The following DNPH1 variants were observed in gnomAD, a reference collection of about 807,000 sequenced individuals.
The protein encoded by DNPH1 is 5-hydroxymethyl-dUMP N-hydrolase.
A neutral mutation model predicts 15.7 loss-of-function variants in DNPH1; 18 were observed. The ratio of observed to expected loss-of-function variants is 1.15; its 90% confidence interval spans 0.79 to 1.70. DNPH1 has a LOEUF of 1.70. DNPH1 is among the 40% of genes most tolerant of loss of function. The pLI is 0.00. For synonymous variants in DNPH1, 114 were observed against 107.9 expected (o/e 1.06, Z -0.35); for missense variants, 262 against 255.2 (o/e 1.03, Z -0.18).
chr6:43,228,992 T>A (rs1776782618), intron 1 of DNPH1: 1 of 354,002 alleles, frequency 2.8e-6, no homozygotes. Context: ...TGAAAGCAGC[T>A]GAAGACAGAG....
In DNPH1 at chr6:43,229,411, C is replaced by G. The variant is rs762528187; in HGVS notation, c.46G>C (p.Gly16Arg). 7.0e-6 allele frequency: 10 copies of G among 1,425,136 alleles called. No homozygotes were observed. The highest frequency in any genetic ancestry group is 5.9e-5 in the African/African-American group (4 of 67,754). 88.3% of individuals were successfully genotyped at this position (1,425,136 alleles called of 1,614,324 possible). A position where few individuals can be genotyped will look rare whatever the true frequency, so the allele number is the denominator to read the frequency against. Reference protein sequence around the residue: ...VPGRSESWERGEPGRPALYFC... With the variant: ...VPGRSESWERREPGRPALYFC... ...TACAGGGCCGGGCGGCCAGGCTCCC[C>G]GCGCTCCCAGCTCTCGCTGCGCCCC... is the stretch of plus-strand genomic sequence containing the variant. The change falls in exon 1 of 4, where the codon GGG becomes CGG. Residue 16 changes from glycine to arginine, a missense_variant. By Grantham distance (125) the Gly-to-Arg change is moderately radical (BLOSUM62 -2). Transcript: ENST00000230431.
chr6:43,229,235 C>A, intron 1 of DNPH1, 26 bp downstream of exon 1: 1 of 1,314,202 alleles, frequency 7.6e-7, no homozygotes, highest in Non-Finnish European at 9.6e-7. Flanking sequence ...CCCGCGTCCC[C>A]GCGTCCCGCG....
chr6:43,228,855 T>C (rs1776779833), intron 1 of DNPH1, among the ~76,000 whole-genome samples: 1 of 151,188 alleles, frequency 6.6e-6, no homozygotes, highest in Non-Finnish European at 1.5e-5. Context: ...ACAAAAAAAG[T>C]TGGTGGGGAG....
chr6:43,228,143 A>G lies in DNPH1; in HGVS notation c.196+1118T>C, dbSNP rs1286227340. On this transcript the variant is annotated intron_variant, in intron 1 of 3. Coordinates refer to ENST00000230431, the MANE Select transcript of DNPH1 (RefSeq NM_006443.3). ...AAAGAAAAACCCAGCAGCCAGGAGCAGAACACAATAATGGCCTGAAAGAGA... is the reference window on the plus strand; with the variant it reads ...AAAGAAAAACCCAGCAGCCAGGAGCGGAACACAATAATGGCCTGAAAGAGA... Among the ~76,000 whole-genome samples the G allele has an allele frequency of 2.0e-5, 3 of 151,548 alleles. No homozygotes were observed. The East Asian group carries it at 5.8e-4, about 29-fold the overall frequency.
At position 43,226,062 on chromosome 6, in the gene DNPH1, A is replaced by G. The variant is rs1272734311; in HGVS notation, c.347T>C (p.Leu116Pro). Residue 116 changes from leucine (L) to proline (P), a missense_variant, in exon 3 of 4, where the codon CTG becomes CCG. Transcript: ENST00000230431. This position sits in a 1 kb window ranked among gnomAD's most constrained non-coding sequence, Gnocchi z 4.1. ...GRAVAFNKRI[L>P]CLFRPQSGRV... ...GCCAGACTGCGGGCGGAACAGGCACAGGATCCGCTTGTTAAAGGCCACGGC... is the reference window on the plus strand; with the variant it reads ...GCCAGACTGCGGGCGGAACAGGCACGGGATCCGCTTGTTAAAGGCCACGGC... 1 of 1,613,840 alleles carries G rather than the reference A, an allele frequency of 6.2e-7. No individual in the cohort carries two copies.
chr6:43,229,442 CAT>C lies in DNPH1; in HGVS notation c.13_14del (p.Met5GlyfsTer68), dbSNP rs1776793145. 1 of 1,349,622 alleles carries C rather than the reference CAT, an allele frequency of 7.4e-7. No homozygotes were observed. The highest frequency in any genetic ancestry group is 1.5e-5 in the African/African-American group (1 of 66,154). 83.6% of individuals were successfully genotyped at this position (1,349,622 alleles called of 1,614,324 possible). On this transcript the variant is annotated frameshift_variant, in exon 1 of 4. Transcript: ENST00000230431. LOFTEE classifies it high-confidence loss of function. MAAA[M>X]VPGRSESWER... ...CCCAGCTCTCGCTGCGCCCCGGCACCATGGCAGCAGCCATTCCCCAGCCGCCC... is the reference window on the plus strand; with the variant it reads ...CCCAGCTCTCGCTGCGCCCCGGCACCGGCAGCAGCCATTCCCCAGCCGCCC...
rs1776786503 is a variant in DNPH1, at chr6:43,229,196, G to A, written c.196+65C>T. 20 of 1,285,466 alleles carry A rather than the reference G, an allele frequency of 1.6e-5. 1 individual carries two copies. The highest frequency in any genetic ancestry group is 2.0e-5 in the Non-Finnish European group (20 of 1,013,828). The allele number at this position is 1,285,466 out of a possible 1,614,324, so 79.6% of individuals were successfully genotyped here. ...CGGGGGTCGGGGGGGCGGACAGGCC[G>A]GGTCCCTGCCACCCCAGCCAGGTCC... is the stretch of plus-strand genomic sequence containing the variant. On this transcript the variant is annotated intron_variant, in intron 1 of 3. Coordinates refer to ENST00000230431, the MANE Select transcript of DNPH1 (RefSeq NM_006443.3).
At chr6:43,229,119 G>T in intron 1 of DNPH1, 142 bp downstream of exon 1, 1 of 913,280 alleles carries the variant, frequency 1.1e-6, no homozygotes, top group Non-Finnish European at 1.6e-6. Context: ...TGGGGCGCTG[G>T]ATGGAGCACC....
Position 43,226,593 on chromosome 6 carries a change from T to G in DNPH1, c.197-198A>C, listed in dbSNP as rs561311466. The G allele has an allele frequency of 1.3e-4, 74 of 576,292 alleles. No homozygotes were observed. The South Asian group carries it at 1.4e-3, about 11-fold the overall frequency. 35.7% of individuals were successfully genotyped at this position (576,292 alleles called of 1,614,324 possible). On this transcript the variant is annotated intron_variant, in intron 1 of 3. Coordinates refer to ENST00000230431, the MANE Select transcript of DNPH1 (RefSeq NM_006443.3). This position sits in a 1 kb window ranked among gnomAD's most constrained non-coding sequence, Gnocchi z 4.1. ...AAGAAAAATTCAACCCTATGCAAGG[T>G]GGGACATGTGATTAGGGCCGAATGA...
rs1383737653 is a variant in DNPH1 at position 43,229,327 on chromosome 6, A to G, written c.130T>C (p.Ser44Pro). Reference protein sequence around the residue: ...EDRTLYERIVSRLRRFGTVLT... With the variant: ...EDRTLYERIVPRLRRFGTVLT... ...ACTGTCCCGAATCGCCGCAGCCGAGACACGATCCGCTCGTACAGCGTCCTG... is the reference window on the plus strand; with the variant it reads ...ACTGTCCCGAATCGCCGCAGCCGAGGCACGATCCGCTCGTACAGCGTCCTG... The change falls in exon 1 of 4, where the codon TCT becomes CCT. Residue 44 changes from serine (S) to proline (P), a missense_variant. Transcript: ENST00000230431. The G allele has an allele frequency of 6.7e-7, 1 of 1,491,312 alleles. No homozygotes were observed. Among genetic ancestry groups the G allele is most frequent in the South Asian group, 1.3e-5 (1 of 78,558 alleles). The allele number at this position is 1,491,312 out of a possible 1,614,324, so 92.4% of individuals were successfully genotyped here. A position where few individuals can be genotyped will look rare whatever the true frequency, so the allele number is the denominator to read the frequency against.
chr6:43,229,170 C>G, intron 1 of DNPH1, 91 bp downstream of exon 1: 1 of 1,239,600 alleles, frequency 8.1e-7, no homozygotes, highest in South Asian at 1.7e-5. Context: ...AGCGCAGCTG[C>G]CGGGGGTCGG....
intron 1 of DNPH1, among the ~76,000 whole-genome samples, chr6:43,227,482 G>A (rs1323648123): frequency 6.6e-6 from 1 of 151,992 alleles, no homozygotes; most frequent in Non-Finnish European, 1.5e-5. Flanking sequence ...TTTTTAACAG[G>A]CTCCCTCAGA....
chr6:43,226,377 C>T lies in DNPH1; in HGVS notation c.215G>A (p.Gly72Asp), dbSNP rs1285126468. ...GTCCTGCTCATGGATGAGCCTGTCA[C>T]CCCCAGCAGCCTCTTCCCCTGTGTT... ...LGARGEEAAG[G>D]DRLIHEQDLE... is the part of the protein sequence containing the mutation. The change falls in exon 2 of 4, where the codon GGT becomes GAT. Residue 72 changes from glycine (G) to aspartate (D), a missense_variant. By Grantham distance (94) the Gly-to-Asp change is moderately conservative. Transcript: ENST00000230431. This position sits in a 1 kb window ranked among gnomAD's most constrained non-coding sequence, Gnocchi z 4.1. 2.5e-6 allele frequency: 4 copies of T among 1,612,480 alleles called. No homozygotes were observed. The African/African-American group carries it at 4.0e-5, about 16-fold the overall frequency.
In DNPH1 at chr6:43,229,269, C is replaced by T. The variant is rs776288292; in HGVS notation, c.188G>A (p.Gly63Asp). 2.9e-5 allele frequency: 41 copies of T among 1,426,470 alleles called. 1 individual carries two copies. In the Admixed American group the frequency reaches 1.0e-3, roughly 36 times the overall value. The allele number at this position is 1,426,470 out of a possible 1,614,324, so 88.4% of individuals were successfully genotyped here. A position where few individuals can be genotyped will look rare whatever the true frequency, so the allele number is the denominator to read the frequency against. Residue 63 changes from glycine (G) to aspartate (D), a missense_variant, in exon 1 of 4, where the codon GGC becomes GAC. Transcript: ENST00000230431. Reference sequence around the variant, plus strand: ...CGGCCCCAGGGCCTCACCGCGCGCGCCCAGCTCGGCGGCCGCCACGTGCTC... The same window carrying T: ...CGGCCCCAGGGCCTCACCGCGCGCGTCCAGCTCGGCGGCCGCCACGTGCTC... ...LTEHVAAAEL[G>D]ARGEEAAGGD...
At chr6:43,227,840 A>C (rs1425186274) in intron 1 of DNPH1, among the ~76,000 whole-genome samples, 1 of 152,146 alleles carries the variant, frequency 6.6e-6, no homozygotes, top group Non-Finnish European at 1.5e-5. Flanking sequence ...CTGTAATCCC[A>C]ACACTTTGGG....
chr6:43,227,103 T>C (rs1290493581), intron 1 of DNPH1, among the ~76,000 whole-genome samples: 1 of 141,998 alleles, frequency 7.0e-6, no homozygotes, highest in African/African-American at 2.6e-5. Flanking sequence ...CAAAACTCCA[T>C]CTTAAAAAAA....
chr6:43,227,394 G>A (rs1460023770), intron 1 of DNPH1, among the ~76,000 whole-genome samples: 1 of 151,848 alleles, frequency 6.6e-6, no homozygotes, highest in Non-Finnish European at 1.5e-5. Context: ...CACCCTGGGC[G>A]ACAGAGCAAG....
At chr6:43,228,858 G>T (rs1045691894) in intron 1 of DNPH1, among the ~76,000 whole-genome samples, 3 of 151,964 alleles carry the variant, frequency 2.0e-5, no homozygotes, top group Admixed American at 6.6e-5. Context: ...AAAAAAGTTG[G>T]TGGGGAGGCA....
In DNPH1 at chr6:43,225,862, C is replaced by G; in HGVS notation, c.396G>C (p.Arg132=). The change falls in exon 4 of 4, where the codon CGG becomes CGC. Residue 132 remains arginine, a synonymous_variant. Transcript: ENST00000230431. The stretch of plus-strand genomic sequence containing the variant: ...GGAACCGAGAGCCATCTGCTGCTCC[C>G]CGGATCATGGCCGAAAGCACTGGAA... ...QSGRVLSAMI[R]GAADGSRFQV... 1 of 1,614,188 alleles carries G rather than the reference C, an allele frequency of 6.2e-7. No homozygotes were observed. The highest frequency in any genetic ancestry group is 8.5e-7 in the Non-Finnish European group (1 of 1,180,040).
Sources: gnomAD v4.1 joint callset for allele counts (sites outside exome capture counted in the v4.1 genomes callset) on GRCh38, gnomAD v4.1.1 for gene constraint, Gnocchi (gnomAD v3.1) non-coding constraint, MANE v1.5 for transcripts, NCBI Gene and HGNC (gene_info 2026-07-23, HGNC 2026-07-21) for gene names.